The following COX10 variants were observed in gnomAD, a reference collection of about 807,000 sequenced individuals.
COX10 encodes protoheme IX farnesyltransferase, mitochondrial.
COX10 carries 27 observed loss-of-function variants against 37.3 expected under a neutral mutation model. The ratio of observed to expected loss-of-function variants is 0.72; its 90% CI spans 0.53 to 1.00. The LOEUF is 1.00. COX10 is among the 50% of genes least tolerant of loss of function. The probability of loss-of-function intolerance (pLI) is 0.00; values close to 1 mark genes in which losing one functional copy is unlikely to be tolerated. For missense variants in COX10, 475 were observed against 563.2 expected (o/e 0.84, Z 1.59); for synonymous variants, 222 against 229.1 (o/e 0.97, Z 0.28).
At chr17:14,143,632 G>T (rs570461824) in intron 4 of COX10, among the ~76,000 whole-genome samples, 6 of 152,106 alleles carry the variant, frequency 3.9e-5, no homozygotes, top group Admixed American at 2.0e-4. Flanking sequence ...ATTTGGGTAG[G>T]ATCTGAAGTT....
intron 4 of COX10, among the ~76,000 whole-genome samples, chr17:14,127,443 T>C (rs1453205351): frequency 2.0e-5 from 3 of 152,174 alleles, no homozygotes; most frequent in Non-Finnish European, 2.9e-5. Context: ...GAAGGAGAGA[T>C]AAAGTATATT....
chr17:14,119,137 C>T (rs557110270), intron 4 of COX10, among the ~76,000 whole-genome samples: 1 of 152,202 alleles, frequency 6.6e-6, no homozygotes, highest in African/African-American at 2.4e-5. Context: ...AGTATTTGCT[C>T]ATATGCAGAG....
intron 3 of COX10, among the ~76,000 whole-genome samples, chr17:14,092,044 T>C (rs1428738011): frequency 6.6e-6 from 1 of 152,092 alleles, no homozygotes; most frequent in Non-Finnish European, 1.5e-5. Context: ...GTATATGAAG[T>C]AAATTGAGTT....
intron 4 of COX10, among the ~76,000 whole-genome samples, chr17:14,134,478 A>G (rs1334201532): frequency 6.6e-6 from 1 of 151,852 alleles, no homozygotes; most frequent in Admixed American, 6.6e-5. Context: ...GATGAAAAGC[A>G]TCCGCCTTTG....
chr17:14,167,632 T>C (rs994713677), intron 5 of COX10, among the ~76,000 whole-genome samples: 1 of 152,150 alleles, frequency 6.6e-6, no homozygotes, highest in South Asian at 2.1e-4. Flanking sequence ...TCAGGAAACT[T>C]ACAAGCATAG....
At chr17:14,185,506 G>T (rs1172229978) in intron 5 of COX10, among the ~76,000 whole-genome samples, 2 of 151,966 alleles carry the variant, frequency 1.3e-5, no homozygotes, top group Non-Finnish European at 2.9e-5. Flanking sequence ...CTATCTAAAA[G>T]ATAGATCTCT....
chr17:14,083,558 A>T (rs981466071), intron 3 of COX10, among the ~76,000 whole-genome samples: 7 of 152,220 alleles, frequency 4.6e-5, no homozygotes, highest in African/African-American at 7.2e-5. Context: ...GGAATAAGTG[A>T]AGGGCCAGAT....
intron 3 of COX10, among the ~76,000 whole-genome samples, chr17:14,085,792 A>T (rs1032107598): frequency 7.2e-5 from 11 of 152,198 alleles, no homozygotes; most frequent in Non-Finnish European, 1.5e-4. Context: ...GTTTTCATTA[A>T]CAGATTCCCC....
At chr17:14,090,600 C>T (rs1206995796) in intron 3 of COX10, among the ~76,000 whole-genome samples, 3 of 152,148 alleles carry the variant, frequency 2.0e-5, no homozygotes, top group Non-Finnish European at 4.4e-5. Context: ...AGAGTGACTA[C>T]TTGGAGCATT....
In COX10 at chr17:14,160,017, C is replaced by T. The variant is rs141116519; in HGVS notation, c.695+70C>T. ...TTTGCTTGTTCATCTGAATCATTTC[C>T]CACTATTTTGCTTTGAGCTGCGAAG... On this transcript the variant is annotated intron_variant, in intron 5 of 6. Coordinates refer to ENST00000261643, the MANE Select transcript of COX10 (RefSeq NM_001303.4). 5,164 of 1,423,942 alleles carry T rather than the reference C, an allele frequency of 3.6e-3. 19 individuals are homozygous for T. The highest frequency in any genetic ancestry group is 4.5e-3 in the Middle Eastern group (19 of 4,246). 88.2% of individuals were successfully genotyped at this position (1,423,942 alleles called of 1,614,324 possible).
At chr17:14,126,565 C>T (rs901167724) in intron 4 of COX10, among the ~76,000 whole-genome samples, 1 of 152,124 alleles carries the variant, frequency 6.6e-6, no homozygotes, top group African/African-American at 2.4e-5. Context: ...TATGCATATA[C>T]ATTTTTTAAG....
rs529242057 is a variant in COX10 at position 14,204,393 on chromosome 17, A to T, written c.929-2417A>T. 1.8e-4 allele frequency among the ~76,000 whole-genome samples: 28 copies of T among 151,968 alleles called. No individual in the cohort carries two copies. In the South Asian group the frequency reaches 5.8e-3, roughly 32 times the overall value. The stretch of plus-strand genomic sequence containing the variant: ...CCCCTTCTTCCCTGCTTGTCTCAGT[A>T]AGTGGCATCTGTATGGATCCATAAG... On this transcript the variant is annotated intron_variant, in intron 6 of 6. Coordinates refer to ENST00000261643, the MANE Select transcript of COX10 (RefSeq NM_001303.4).
intron 3 of COX10, among the ~76,000 whole-genome samples, chr17:14,099,986 A>G (rs1171790527): frequency 3.9e-5 from 6 of 152,036 alleles, no homozygotes; most frequent in South Asian, 2.1e-4. Context: ...TTTTCCATTC[A>G]TTCTTTTTTG....
At chr17:14,172,841 A>T (rs1905524323) in intron 5 of COX10, among the ~76,000 whole-genome samples, 1 of 151,928 alleles carries the variant, frequency 6.6e-6, no homozygotes, top group Non-Finnish European at 1.5e-5. Flanking sequence ...GTGCGAGCCA[A>T]CACACCCAGC....
At chr17:14,191,225 C>A (rs1906191881) in intron 5 of COX10, among the ~76,000 whole-genome samples, 1 of 151,650 alleles carries the variant, frequency 6.6e-6, no homozygotes, top group Non-Finnish European at 1.5e-5. Flanking sequence ...TTTTGAGAAA[C>A]AGGCTTATAA....
intron 4 of COX10, among the ~76,000 whole-genome samples, chr17:14,145,630 GT>G (rs1017398390): frequency 3.3e-5 from 5 of 152,144 alleles, no homozygotes; most frequent in Non-Finnish European, 7.4e-5. Context: ...TGTAAGCCGT[GT>G]TAGAGCATTT....
At chr17:14,164,080 A>G (rs1393923260) in intron 5 of COX10, among the ~76,000 whole-genome samples, 1 of 152,246 alleles carries the variant, frequency 6.6e-6, no homozygotes, top group Non-Finnish European at 1.5e-5. Flanking sequence ...CAGTTCCTCA[A>G]CAAATGAAAA....
At chr17:14,130,220 C>T (rs1916433850) in intron 4 of COX10, among the ~76,000 whole-genome samples, 1 of 151,992 alleles carries the variant, frequency 6.6e-6, no homozygotes, top group African/African-American at 2.4e-5. Context: ...GAAAATATTC[C>T]TCCCATTTTT....
intron 3 of COX10, among the ~76,000 whole-genome samples, chr17:14,098,234 C>A (rs1292003543): frequency 3.3e-5 from 5 of 152,158 alleles, no homozygotes. Context: ...CTGATTTACT[C>A]TATGGAGAGA....
Sources: allele counts gnomAD v4.1 joint callset (sites outside exome capture counted in the v4.1 genomes callset), GRCh38; gene constraint gnomAD v4.1.1; transcripts MANE v1.5; gene names NCBI Gene and HGNC (gene_info 2026-07-23, HGNC 2026-07-21).